Variants in MDC1 observed in about 807,000 individuals in gnomAD.
MDC1 encodes mediator of DNA damage checkpoint 1.
A neutral mutation model predicts 142.5 loss-of-function variants in MDC1; 81 were observed. The observed-to-expected ratio is 0.57, with a 90% CI of 0.47 to 0.68. MDC1 has a LOEUF of 0.68. Ranked by LOEUF, MDC1 falls within the 30% of genes least tolerant of loss-of-function variation. The pLI, the probability that MDC1 is intolerant of heterozygous loss-of-function variation, is 0.00. For missense variants in MDC1, 2,119 were observed against 2,547.9 expected, an observed-to-expected ratio of 0.83 and a Z score of 3.62; for synonymous variants, 797 against 968.4, an observed-to-expected ratio of 0.82 and a Z score of 3.29.
In MDC1 at chr6:30,707,771, C is replaced by T; in HGVS notation, c.2808G>A (p.Lys936=). 3 of 1,613,110 alleles carry T rather than the reference C, an allele frequency of 1.9e-6. No homozygotes were observed. The highest frequency in any genetic ancestry group is 2.5e-6 in the Non-Finnish European group (3 of 1,180,032). ...CTCTCTCCAGGATCACTTTGGGCAC[C>T]TTCTCTTCTAACTCGGCTGGATCGC... ...RECDPAELEE[K]VPKVILERDT... The change falls in exon 8 of 15, where the codon AAG becomes AAA. Residue 936 remains lysine, a synonymous_variant. Transcript: ENST00000376406.
rs1215848050 is a variant in MDC1, at chr6:30,709,219, G to A, written c.2222-862C>T. ...CGGCTAATTTTTTGTATTTGTTGTA[G>A]AGATGGGGTTTGGTCTTGAACTCTT... On this transcript the variant is annotated intron_variant, in intron 7 of 14. Coordinates refer to ENST00000376406, the MANE Select transcript of MDC1 (RefSeq NM_014641.3). The surrounding 1 kb of genome is among the most constrained non-coding windows in gnomAD (Gnocchi z 4.2). Among the ~76,000 whole-genome samples, 1 of 152,208 alleles carries A rather than the reference G, an allele frequency of 6.6e-6. No individual in the cohort carries two copies. The highest frequency in any genetic ancestry group is 1.9e-4 in the East Asian group (1 of 5,196).
Position 30,704,680 on chromosome 6 carries a change from G to T in MDC1, c.4503C>A (p.Ser1501=). The part of the protein sequence containing the change: ...PTAPELQASA[S]TDQPVTSEPT... The stretch of plus-strand genomic sequence containing the variant: ...GCTCAGAGGTGACAGGCTGGTCTGT[G>T]GAGGCGGAAGCCTGTAGCTCAGGGG... The change falls in exon 10 of 15, where the codon TCC becomes TCA. Residue 1501 remains serine (S), a synonymous_variant. Coordinates refer to ENST00000376406, the MANE Select transcript of MDC1 (RefSeq NM_014641.3). 1 of 1,610,650 alleles carries T rather than the reference G, an allele frequency of 6.2e-7. No homozygotes were observed. The highest frequency in any genetic ancestry group is 8.5e-7 in the Non-Finnish European group (1 of 1,178,184).
chr6:30,700,718 T>C, intron 14 of MDC1, 86 bp from the exon 15 acceptor site: 1 of 1,347,652 alleles, frequency 7.4e-7, no homozygotes, highest in Admixed American at 1.9e-5. Flanking sequence ...TTACCATCAC[T>C]AAAATAATAC....
In MDC1 at chr6:30,705,855, G is replaced by C. The variant is rs539990635; in HGVS notation, c.3328C>G (p.Arg1110Gly). 6.2e-7 allele frequency: 1 copy of C among 1,610,862 alleles called. No homozygotes were observed. ...AAGGGTGTCATTCTGGAGGACTTCC[G>C]AGTTCTAATTTTAGGCTTTGGGTGG... ...PFHPKPKIRT[R>G]KSSRMTPFPA... Residue 1110 changes from arginine (R) to glycine (G), a missense_variant, in exon 10 of 15, where the codon CGG becomes GGG. Transcript: ENST00000376406.
chr6:30,714,390 A>G (rs749657701), intron 2 of MDC1, among the ~76,000 whole-genome samples: 1 of 152,260 alleles, frequency 6.6e-6, no homozygotes, highest in Non-Finnish European at 1.5e-5. Flanking sequence ...TAAAATACAC[A>G]TAACACAAAA....
rs145704871 is a variant in MDC1 at position 30,715,580 on chromosome 6, C to G, written c.-3-402G>C. Among the ~76,000 whole-genome samples, 1,032 of 152,336 alleles carry G rather than the reference C, an allele frequency of 6.8e-3. 10 individuals are homozygous for G. The highest frequency in any genetic ancestry group is 9.7e-3 in the Admixed American group (148 of 15,298). On this transcript the variant is annotated intron_variant, in intron 1 of 14. Transcript: ENST00000376406. This position sits in a 1 kb window ranked among gnomAD's most constrained non-coding sequence, Gnocchi z 4.1. ...ACTCGAACTCTTGACCTTGGGTGAT[C>G]CGCCCACCTTGGCCTCCCAAAGTGC...
At chr6:30,701,910 A>G (rs1391154277) in intron 14 of MDC1, among the ~76,000 whole-genome samples, 2 of 152,182 alleles carry the variant, frequency 1.3e-5, no homozygotes, top group Non-Finnish European at 2.9e-5. Context: ...AAGAAAGAGA[A>G]AGGAAAAAAA....
Position 30,700,598 on chromosome 6 carries a change from A to T in MDC1, c.6137T>A (p.Phe2046Tyr). 1 of 1,612,972 alleles carries T rather than the reference A, an allele frequency of 6.2e-7. No individual in the cohort carries two copies. Among genetic ancestry groups the T allele is most frequent in the East Asian group, 2.2e-5 (1 of 44,886 alleles). ...QRVVITCPQD[F>Y]PHCSIPLRVG... ...CCGTAGTGGAATGGAGCAATGAGGG[A>T]AGTCCTGAGGGCATGTGATCACAAC... Residue 2046 changes from phenylalanine (F) to tyrosine (Y), a missense_variant, in exon 15 of 15, where the codon TTC becomes TAC. Transcript: ENST00000376406.
chr6:30,710,468 G>T (rs561845638), intron 7 of MDC1, among the ~76,000 whole-genome samples: 18 of 151,932 alleles, frequency 1.2e-4, no homozygotes, highest in Non-Finnish European at 2.5e-4. Context: ...CACAATCTCA[G>T]CTCACTGCAA....
chr6:30,712,314 A>G lies in MDC1; in HGVS notation c.1628T>C (p.Val543Ala), dbSNP rs1439081142. ...SAIIHIKKHQ[V>A]SVEGTNQTDV... ...TGTTTGATTTGTCCCCTCCACAGAC[A>G]CCTGATGCTTCTTTATATGTATAAT... Residue 543 changes from valine (V) to alanine (A), a missense_variant, in exon 5 of 15, where the codon GTG becomes GCG. Transcript: ENST00000376406. The surrounding 1 kb of genome is among the most constrained non-coding windows in gnomAD (Gnocchi z 4.7). The G allele has an allele frequency of 4.3e-6, 7 of 1,612,910 alleles. No homozygotes were observed. The African/African-American group carries it at 9.3e-5, about 22-fold the overall frequency.
chr6:30,708,416 G>C, intron 7 of MDC1, 59 bp from the exon 8 acceptor site: 1 of 1,323,086 alleles, frequency 7.6e-7, no homozygotes, highest in Non-Finnish European at 1.1e-6. Context: ...GGGAGAGGAA[G>C]AGGGAAAGGG....
At position 30,702,754 on chromosome 6, in the gene MDC1, C is replaced by G. The variant is rs1305247875; in HGVS notation, c.5989G>C (p.Glu1997Gln). 1 of 1,613,084 alleles carries G rather than the reference C, an allele frequency of 6.2e-7. No individual in the cohort carries two copies. The highest frequency in any genetic ancestry group is 1.7e-5 in the Admixed American group (1 of 60,028). Residue 1997 changes from glutamate (E) to glutamine (Q), a missense_variant and splice_region_variant, in exon 13 of 15, where the codon GAG (glutamate) becomes CAG (glutamine). By Grantham distance (29) the Glu-to-Gln change is conservative. Transcript: ENST00000376406. ...CAGGTTAAAAGATAGCCTCTCACCT[C>G]TAGCAGCCTTCGCTCCCGAGCCCTG... The part of the protein sequence containing the change: ...LSRARERRLL[E>Q]GYEIYVTPGV...
chr6:30,712,329 A>G lies in MDC1; in HGVS notation c.1613T>C (p.Ile538Thr), dbSNP rs756858990. 2 of 1,612,974 alleles carry G rather than the reference A, an allele frequency of 1.2e-6. No homozygotes were observed. Among genetic ancestry groups the G allele is most frequent in the African/African-American group, 1.3e-5 (1 of 75,008 alleles). Residue 538 changes from isoleucine (I) to threonine (T), a missense_variant, in exon 5 of 15, where the codon ATA becomes ACA. Physicochemically the swap from Ile to Thr is moderately conservative, Grantham distance 89. Coordinates refer to ENST00000376406, the MANE Select transcript of MDC1 (RefSeq NM_014641.3). This position sits in a 1 kb window ranked among gnomAD's most constrained non-coding sequence, Gnocchi z 4.7. Reference sequence around the variant, plus strand: ...CTCCACAGACACCTGATGCTTCTTTATATGTATAATGGCTGACCCTGGCGG... The same window carrying G: ...CTCCACAGACACCTGATGCTTCTTTGTATGTATAATGGCTGACCCTGGCGG... ...EVPPGSAIIH[I>T]KKHQVSVEGT...
In MDC1 at chr6:30,712,340, G is replaced by A; in HGVS notation, c.1602C>T (p.Ala534=). The A allele has an allele frequency of 6.2e-7, 1 of 1,613,066 alleles. No homozygotes were observed. Among genetic ancestry groups the A allele is most frequent in the Non-Finnish European group, 8.5e-7 (1 of 1,180,048 alleles). Residue 534 remains alanine, a synonymous_variant, in exon 5 of 15, where the codon GCC becomes GCT. Coordinates refer to ENST00000376406, the MANE Select transcript of MDC1 (RefSeq NM_014641.3). This position sits in a 1 kb window ranked among gnomAD's most constrained non-coding sequence, Gnocchi z 4.7. ...QVEKEVPPGS[A]IIHIKKHQVS... ...CCTGATGCTTCTTTATATGTATAAT[G>A]GCTGACCCTGGCGGGACTTCCTTCT...
Position 30,712,303 on chromosome 6 carries a change from C to A in MDC1, c.1639G>T (p.Gly547Trp), listed in dbSNP as rs1775030242. ...GCTTTCACATCTGTTTGATTTGTCC[C>A]CTCCACAGACACCTGATGCTTCTTT... ...HIKKHQVSVE[G>W]TNQTDVKAVG... The change falls in exon 5 of 15, where the codon GGG becomes TGG. Residue 547 changes from glycine (G) to tryptophan (W), a missense_variant. Physicochemically the swap from Gly to Trp is radical, Grantham distance 184. Coordinates refer to ENST00000376406, the MANE Select transcript of MDC1 (RefSeq NM_014641.3). This position sits in a 1 kb window ranked among gnomAD's most constrained non-coding sequence, Gnocchi z 4.7. 3.1e-6 allele frequency: 5 copies of A among 1,613,114 alleles called. No individual in the cohort carries two copies. Among genetic ancestry groups the A allele is most frequent in the Non-Finnish European group, 4.2e-6 (5 of 1,180,046 alleles).
chr6:30,707,530 G>T, intron 8 of MDC1, 36 bp downstream of exon 8: 1 of 1,612,966 alleles, frequency 6.2e-7, no homozygotes, highest in Non-Finnish European at 8.5e-7. Context: ...CACGAGGCCT[G>T]TGTATCACCT....
Position 30,715,136 on chromosome 6 carries a change from C to G in MDC1, c.40G>C (p.Glu14Gln), listed in dbSNP as rs1332640997. Reference sequence around the variant, plus strand: ...TCACTGGATTGCTCTGTCTCCTCCTCTTCTTCAACATCCCAGTCAATAGCC... The same window carrying G: ...TCACTGGATTGCTCTGTCTCCTCCTGTTCTTCAACATCCCAGTCAATAGCC... ...TQAIDWDVEE[E>Q]EETEQSSESL... Residue 14 changes from glutamate to glutamine, a missense_variant, in exon 2 of 15, where the codon GAG (glutamate) becomes CAG (glutamine). By Grantham distance (29) the Glu-to-Gln change is conservative. Coordinates refer to ENST00000376406, the MANE Select transcript of MDC1 (RefSeq NM_014641.3). The surrounding 1 kb of genome is among the most constrained non-coding windows in gnomAD (Gnocchi z 4.1). 2 of 1,614,204 alleles carry G rather than the reference C, an allele frequency of 1.2e-6. No individual in the cohort carries two copies. The highest frequency in any genetic ancestry group is 1.7e-5 in the Admixed American group (1 of 60,024).
Position 30,705,874 on chromosome 6 carries a change from T to G in MDC1, c.3309A>C (p.Pro1103=), listed in dbSNP as rs1301360215. 1 of 1,610,978 alleles carries G rather than the reference T, an allele frequency of 6.2e-7. No individual in the cohort carries two copies. The highest frequency in any genetic ancestry group is 1.3e-5 in the African/African-American group (1 of 74,762). Residue 1103 remains proline, a synonymous_variant, in exon 10 of 15, where the codon CCA becomes CCC. Coordinates refer to ENST00000376406, the MANE Select transcript of MDC1 (RefSeq NM_014641.3). ...ACTTCCGAGTTCTAATTTTAGGCTT[T>G]GGGTGGAAAGGCTCCAGCTCTGAGG... The part of the protein sequence containing the change: ...PLSSELEPFH[P]KPKIRTRKSS...
chr6:30,706,071 G>A lies in MDC1; in HGVS notation c.3112C>T (p.Leu1038=). Residue 1038 remains leucine (L), a synonymous_variant, in exon 10 of 15, where the codon CTG becomes TTG. Coordinates refer to ENST00000376406, the MANE Select transcript of MDC1 (RefSeq NM_014641.3). ...GGGGCTTCAGGTACTGTAGGAGGCA[G>A]ACAAGCATCTGGAGATTCCTGATCG... ...RGDQESPDAC[L]PPTVPEAPAP... 1 of 1,593,302 alleles carries A rather than the reference G, an allele frequency of 6.3e-7. No homozygotes were observed. The highest frequency in any genetic ancestry group is 8.5e-7 in the Non-Finnish European group (1 of 1,177,064).
Sources: allele counts gnomAD v4.1 joint callset (sites outside exome capture counted in the v4.1 genomes callset), GRCh38; gene constraint gnomAD v4.1.1; non-coding constraint Gnocchi (gnomAD v3.1); transcripts MANE v1.5; gene names NCBI Gene and HGNC (gene_info 2026-07-23, HGNC 2026-07-21).